TIGD7: variants seen among roughly 807,000 people sequenced by gnomAD.
TIGD7 encodes tigger transposable element derived 7.
Under a neutral mutation model 24.8 loss-of-function variants are expected in TIGD7, and 26 were observed. The observed-to-expected ratio is 1.05, with a 90% CI of 0.77 to 1.45. The LOEUF is 1.45. TIGD7 is among the 40% of genes most tolerant of loss of function. TIGD7 has a pLI of 0.00. For synonymous variants in TIGD7, 221 were observed against 224.1 expected (o/e 0.99, Z 0.12); for missense variants, 679 against 641.6 (o/e 1.06, Z -0.63).
Position 3,299,502 on chromosome 16 carries a change from A to T in TIGD7, c.1113T>A (p.Ile371=). ...TTGCACTTTTTATATTGTAGATTTT[A>T]ATTTTGGAAACTCCTTTATCTCCTT... is the stretch of plus-strand genomic sequence containing the variant. The part of the protein sequence containing the change: ...QEKGDKGVSK[I]KIYNIKSAIF... The change falls in exon 2 of 2, where the codon ATT becomes ATA. Residue 371 remains isoleucine, a synonymous_variant. Coordinates refer to ENST00000396862, the MANE Select transcript of TIGD7 (RefSeq NM_033208.4). 1 of 1,538,872 alleles carries T rather than the reference A, an allele frequency of 6.5e-7. No individual in the cohort carries two copies. The highest frequency in any genetic ancestry group is 1.3e-5 in the South Asian group (1 of 79,154).
At position 3,298,832 on chromosome 16, in the gene TIGD7, T is replaced by G; in HGVS notation, c.*133A>C. 1 of 406,128 alleles carries G rather than the reference T, an allele frequency of 2.5e-6. No individual in the cohort carries two copies. The allele number at this position is 406,128 out of a possible 1,614,324, so 25.2% of individuals were successfully genotyped here. On this transcript the variant is annotated 3_prime_UTR_variant, in exon 2 of 2. Transcript: ENST00000396862. ...ATAAATTTAAAGAAACACAAATGTA[T>G]TATTTTCAAACTGTAAATTTTATAA...
Position 3,298,901 on chromosome 16 carries a change from C to G in TIGD7, c.*64G>C, listed in dbSNP as rs1959846329. ...CTGATATACAAAATAATGTCAGTTG[C>G]TAAAACAAGACAATTCACAGCTGGC... On this transcript the variant is annotated 3_prime_UTR_variant, in exon 2 of 2. Coordinates refer to ENST00000396862, the MANE Select transcript of TIGD7 (RefSeq NM_033208.4). 2.3e-5 allele frequency: 15 copies of G among 643,440 alleles called. No individual in the cohort carries two copies. Among genetic ancestry groups the G allele is most frequent in the Non-Finnish European group, 3.3e-5 (14 of 420,088 alleles). 39.9% of individuals were successfully genotyped at this position (643,440 alleles called of 1,614,324 possible).
At chr16:3,303,205 T>C (rs6501169) in intron 1 of TIGD7, among the ~76,000 whole-genome samples, 50,562 of 152,014 alleles carry the variant, frequency 0.33, 10,142 homozygotes, top group African/African-American at 0.55. Flanking sequence ...GCTCAAGGAA[T>C]GTTTGTGGGC....
In TIGD7 at chr16:3,299,757, G is replaced by A. The variant is rs148242088; in HGVS notation, c.858C>T (p.Asp286=). The A allele has an allele frequency of 3.9e-5, 60 of 1,547,024 alleles. No individual in the cohort carries two copies. The highest frequency in any genetic ancestry group is 5.5e-5 in the African/African-American group (4 of 72,346). ...GAAGTAACAATGCCCTGACGTCCTC[G>A]TCATGAAATCTTAGAACATTAAGTT... The part of the protein sequence containing the change: ...HFQLNVLRFH[D]EDVRALLLLD... Residue 286 remains aspartate, a synonymous_variant, in exon 2 of 2, where the codon GAC becomes GAT. Transcript: ENST00000396862.
intron 1 of TIGD7, among the ~76,000 whole-genome samples, chr16:3,302,767 T>G (rs1417350778): frequency 6.6e-6 from 1 of 151,902 alleles, no homozygotes; most frequent in Non-Finnish European, 1.5e-5. Flanking sequence ...CAGGCCACTA[T>G]GACAGTTGTG....
chr16:3,299,958 G>A lies in TIGD7; in HGVS notation c.657C>T (p.Asp219=), dbSNP rs760979965. 115 of 1,613,576 alleles carry A rather than the reference G, an allele frequency of 7.1e-5. No individual in the cohort carries two copies. The highest frequency in any genetic ancestry group is 8.1e-5 in the Non-Finnish European group (96 of 1,179,902). Residue 219 remains aspartate, a synonymous_variant, in exon 2 of 2, where the codon GAC becomes GAT. Coordinates refer to ENST00000396862, the MANE Select transcript of TIGD7 (RefSeq NM_033208.4). ...TGATTGACTTTAATTTATGAGTTCCGTCTGCATTTGCACATAAAAAGGCAG... is the reference window on the plus strand; with the variant it reads ...TGATTGACTTTAATTTATGAGTTCCATCTGCATTTGCACATAAAAAGGCAG... The part of the protein sequence containing the change: ...RLSAFLCANA[D]GTHKLKSIII...
Position 3,300,304 on chromosome 16 carries a change from T to C in TIGD7, c.311A>G (p.Gln104Arg). 1.9e-6 allele frequency: 3 copies of C among 1,614,230 alleles called. No homozygotes were observed. The Admixed American group carries it at 5.0e-5, about 27-fold the overall frequency. Residue 104 changes from glutamine to arginine, a missense_variant, in exon 2 of 2, where the codon CAG becomes CGG. Gln to Arg is a conservative substitution (Grantham distance 43, BLOSUM62 1). Transcript: ENST00000396862. ...AGVPVRGVELQAAAERFARCF... is the reference protein window; with the variant it reads ...AGVPVRGVELRAAAERFARCF... ...CCGTGCAAATCTCTCTGCAGCAGCC[T>C]GAAGCTCCACGCCTCTTACCGGAAC...
Position 3,300,386 on chromosome 16 carries a change from A to C in TIGD7, c.229T>G (p.Tyr77Asp). 6.2e-7 allele frequency: 1 copy of C among 1,614,126 alleles called. No individual in the cohort carries two copies. Among genetic ancestry groups the C allele is most frequent in the Non-Finnish European group, 8.5e-7 (1 of 1,180,022 alleles). ...EKRKRTTGAKYGDVDDAVYMW... is the reference protein window; with the variant it reads ...EKRKRTTGAKDGDVDDAVYMW... ...TAGACCGCATCATCTACATCACCAT[A>C]TTTGGCTCCCGTTGTCCTCTTTCTC... Residue 77 changes from tyrosine (Y) to aspartate (D), a missense_variant, in exon 2 of 2, where the codon TAT becomes GAT. Coordinates refer to ENST00000396862, the MANE Select transcript of TIGD7 (RefSeq NM_033208.4).
rs1012028178 is a variant in TIGD7, at chr16:3,301,929, A to G, written c.-1315T>C. 1 of 167,084 alleles carries G rather than the reference A, an allele frequency of 6.0e-6. No homozygotes were observed. The highest frequency in any genetic ancestry group is 1.5e-5 in the Non-Finnish European group (1 of 68,138). 10.4% of individuals were successfully genotyped at this position (167,084 alleles called of 1,614,324 possible). ...CAGGTCCTTAGAAATGTCTTAGTCT[A>G]GATTAATTTCCTGGTTCTCAGTCCA... is the stretch of plus-strand genomic sequence containing the variant. On this transcript the variant is annotated 5_prime_UTR_variant, in exon 2 of 2. Coordinates refer to ENST00000396862, the MANE Select transcript of TIGD7 (RefSeq NM_033208.4).
chr16:3,300,402 CCT>C lies in TIGD7; in HGVS notation c.211_212del (p.Arg71AspfsTer8). ...MPLVGAEKRK[R>X]TTGAKYGDVD... ...CATCACCATATTTGGCTCCCGTTGT[CCT>C]CTTTCTCTTCTCAGCCCCTACTAAT... is the stretch of plus-strand genomic sequence containing the variant. On this transcript the variant is annotated frameshift_variant, in exon 2 of 2. Coordinates refer to ENST00000396862, the MANE Select transcript of TIGD7 (RefSeq NM_033208.4). LOFTEE classifies it high-confidence loss of function. 3 of 1,614,188 alleles carry C rather than the reference CCT, an allele frequency of 1.9e-6. No individual in the cohort carries two copies. The highest frequency in any genetic ancestry group is 2.5e-6 in the Non-Finnish European group (3 of 1,180,036).
In TIGD7 at chr16:3,300,773, T is replaced by C. The variant is rs1413961440; in HGVS notation, c.-159A>G. On this transcript the variant is annotated 5_prime_UTR_variant, in exon 2 of 2. The change abolishes an upstream ATG in the 5' untranslated region. Coordinates refer to ENST00000396862, the MANE Select transcript of TIGD7 (RefSeq NM_033208.4). Reference sequence around the variant, plus strand: ...GATAATGGACTGAAGGGGCTAACCATGACTGAAGAGCTAGTCTAGAGGTGG... The same window carrying C: ...GATAATGGACTGAAGGGGCTAACCACGACTGAAGAGCTAGTCTAGAGGTGG... 7.8e-7 allele frequency: 1 copy of C among 1,275,936 alleles called. No individual in the cohort carries two copies. Among genetic ancestry groups the C allele is most frequent in the Non-Finnish European group, 1.0e-6 (1 of 955,260 alleles). The allele number at this position is 1,275,936 out of a possible 1,614,324, so 79.0% of individuals were successfully genotyped here.
chr16:3,305,394 G>T lies in TIGD7; in HGVS notation c.-1578C>A, dbSNP rs1001048991. 6.6e-6 allele frequency: 1 copy of T among 152,372 alleles called. No individual in the cohort carries two copies. The highest frequency in any genetic ancestry group is 1.5e-5 in the Non-Finnish European group (1 of 68,130). 9.4% of individuals were successfully genotyped at this position (152,372 alleles called of 1,614,324 possible). A position where few individuals can be genotyped will look rare whatever the true frequency, so the allele number is the denominator to read the frequency against. ...TTAACCCTTCCCTACCGCCGGGGAA[G>T]ACAGCAGTTTCTCTGGCGAGGAAGT... On this transcript the variant is annotated 5_prime_UTR_variant, in exon 1 of 2. Transcript: ENST00000396862.
chr16:3,300,164 C>T lies in TIGD7; in HGVS notation c.451G>A (p.Glu151Lys). Reference protein sequence around the residue: ...CGEQVLSSVSENVEPFRQKLS... With the variant: ...CGEQVLSSVSKNVEPFRQKLS... Reference sequence around the variant, plus strand: ...TTTTGTCGAAATGGCTCAACATTTTCAGAAACTGAACTTAGGACTTGTTCC... The same window carrying T: ...TTTTGTCGAAATGGCTCAACATTTTTAGAAACTGAACTTAGGACTTGTTCC... Residue 151 changes from glutamate (E) to lysine (K), a missense_variant, in exon 2 of 2, where the codon GAA (glutamate) becomes AAA (lysine). Transcript: ENST00000396862. 4 of 1,614,228 alleles carry T rather than the reference C, an allele frequency of 2.5e-6. No individual in the cohort carries two copies. The highest frequency in any genetic ancestry group is 3.4e-6 in the Non-Finnish European group (4 of 1,180,038).
Position 3,305,339 on chromosome 16 carries a change from G to A in TIGD7, c.-1523C>T, listed in dbSNP as rs909146877. On this transcript the variant is annotated 5_prime_UTR_variant, in exon 1 of 2. Coordinates refer to ENST00000396862, the MANE Select transcript of TIGD7 (RefSeq NM_033208.4). Reference sequence around the variant, plus strand: ...CGGTGAGCCGGTACAAGGCCCTCTAGGCTTCAGCGGGTCTGGATACTCGGT... The same window carrying A: ...CGGTGAGCCGGTACAAGGCCCTCTAAGCTTCAGCGGGTCTGGATACTCGGT... The A allele has an allele frequency of 6.6e-6, 1 of 152,312 alleles. No homozygotes were observed. The highest frequency in any genetic ancestry group is 1.5e-5 in the Non-Finnish European group (1 of 68,080). 9.4% of individuals were successfully genotyped at this position (152,312 alleles called of 1,614,324 possible).
rs1959841906 is a variant in TIGD7, at chr16:3,298,819, A to G, written c.*146T>C. On this transcript the variant is annotated 3_prime_UTR_variant, in exon 2 of 2. Transcript: ENST00000396862. ...AACACAAATTTAAATAAATTTAAAG[A>G]AACACAAATGTATTATTTTCAAACT... The G allele has an allele frequency of 5.0e-6, 2 of 400,418 alleles. No homozygotes were observed. The highest frequency in any genetic ancestry group is 7.2e-5 in the East Asian group (2 of 27,822). The allele number at this position is 400,418 out of a possible 1,614,324, so 24.8% of individuals were successfully genotyped here. A position where few individuals can be genotyped will look rare whatever the true frequency, so the allele number is the denominator to read the frequency against.
intron 1 of TIGD7, among the ~76,000 whole-genome samples, chr16:3,304,050 A>G (rs1960031343): frequency 6.6e-6 from 1 of 151,908 alleles, no homozygotes; most frequent in African/African-American, 2.4e-5. Flanking sequence ...GTTAGCCAGG[A>G]TGGTCTCGAT....
Position 3,301,350 on chromosome 16 carries a change from T to G in TIGD7, c.-736A>C, listed in dbSNP as rs1214389736. The stretch of plus-strand genomic sequence containing the variant: ...AGAAGAAAGTAGTTTGTTGTACATA[T>G]GAATGAAATCCAACTTTTATTGCAT... On this transcript the variant is annotated 5_prime_UTR_variant, in exon 2 of 2. Coordinates refer to ENST00000396862, the MANE Select transcript of TIGD7 (RefSeq NM_033208.4). 1 of 167,140 alleles carries G rather than the reference T, an allele frequency of 6.0e-6. No homozygotes were observed. The highest frequency in any genetic ancestry group is 1.5e-5 in the Non-Finnish European group (1 of 68,130). The allele number at this position is 167,140 out of a possible 1,614,324, so 10.4% of individuals were successfully genotyped here.
chr16:3,299,241 T>G lies in TIGD7; in HGVS notation c.1374A>C (p.Thr458=). ...CTCCTCCTTTTTGAACAACTTCCTT[T>G]GTTATTCCACCTTTGGTTTTTAGGA... The part of the protein sequence containing the change: ...GCLLKTKGGI[T]KEVVQKGGEA... Residue 458 remains threonine (T), a synonymous_variant, in exon 2 of 2, where the codon ACA becomes ACC. Transcript: ENST00000396862. The G allele has an allele frequency of 6.2e-7, 1 of 1,611,482 alleles. No homozygotes were observed. The highest frequency in any genetic ancestry group is 8.5e-7 in the Non-Finnish European group (1 of 1,179,262).
chr16:3,303,743 C>G (rs535468940), intron 1 of TIGD7: 1 of 152,356 alleles, frequency 6.6e-6, no homozygotes, highest in South Asian at 2.1e-4. Flanking sequence ...CATCTTCATT[C>G]TCACCTTAAA....
Sources: gnomAD v4.1 joint callset for allele counts (sites outside exome capture counted in the v4.1 genomes callset) on GRCh38, gnomAD v4.1.1 for gene constraint, MANE v1.5 for transcripts, NCBI Gene and HGNC (gene_info 2026-07-23, HGNC 2026-07-21) for gene names.